Variants in AUTS2 observed in about 807,000 individuals in gnomAD.
The protein encoded by AUTS2 is activator of transcription and developmental regulator AUTS2.
A neutral mutation model predicts 112.4 loss-of-function variants in AUTS2; 17 were observed. The observed-to-expected ratio is 0.15, with a 90% confidence interval of 0.10 to 0.23. The LOEUF is 0.23. Among genes scored for constraint, AUTS2 ranks in the 10% least tolerant of loss-of-function variants. The pLI is 1.00. For missense variants in AUTS2, 1,510 were observed against 1,701.6 expected (o/e 0.89, Z 1.98); for synonymous variants, 751 against 702.7 (o/e 1.07, Z -1.09).
chr7:70,033,260 C>T (rs1800860812), intron 2 of AUTS2, among the ~76,000 whole-genome samples: 1 of 151,976 alleles, frequency 6.6e-6, no homozygotes, highest in Non-Finnish European at 1.5e-5. Flanking sequence ...AATGAAATGA[C>T]CAAAAGGGGA....
chr7:70,142,853 A>C (rs759161717), intron 4 of AUTS2, among the ~76,000 whole-genome samples: 13 of 152,162 alleles, frequency 8.5e-5, no homozygotes, highest in Non-Finnish European at 1.9e-4. Flanking sequence ...AGATTTCCAC[A>C]TTACAGAAAT....
At chr7:70,762,830 G>C (rs781256990) in intron 6 of AUTS2, 40 bp from the exon 7 acceptor site, 2 of 1,429,666 alleles carry the variant, frequency 1.4e-6, no homozygotes, top group Admixed American at 3.4e-5. Context: ...ACACTCGCAT[G>C]TCATTGCCTG....
chr7:70,450,964 T>C (rs994166056), intron 5 of AUTS2, among the ~76,000 whole-genome samples: 3 of 151,538 alleles, frequency 2.0e-5, no homozygotes, highest in Non-Finnish European at 4.4e-5. Flanking sequence ...ATGGAGAAAA[T>C]AGGAGCTCAG....
At chr7:69,852,502 G>A (rs2129530016) in intron 1 of AUTS2, among the ~76,000 whole-genome samples, 1 of 152,128 alleles carries the variant, frequency 6.6e-6, no homozygotes, top group East Asian at 1.9e-4. Flanking sequence ...TCCTAGGCTG[G>A]AGTGCAGCGG....
chr7:70,150,930 A>G (rs1456142821), intron 4 of AUTS2, among the ~76,000 whole-genome samples: 1 of 152,236 alleles, frequency 6.6e-6, no homozygotes, highest in African/African-American at 2.4e-5. Context: ...AATGGTTTGC[A>G]TGACACTGGA....
chr7:70,280,450 A>ATTTTTTTTTTTTTTTTTTT (rs35280015), intron 4 of AUTS2, among the ~76,000 whole-genome samples: 1 of 121,866 alleles, frequency 8.2e-6, no homozygotes. Context: ...TGCCCGGCTG[A>ATTTTTTTTTTTTTTTTTTT]TTTTTTTTTT....
intron 4 of AUTS2, among the ~76,000 whole-genome samples, chr7:70,338,970 C>T (rs1791127985): frequency 6.6e-6 from 1 of 151,816 alleles, no homozygotes; most frequent in Non-Finnish European, 1.5e-5. Flanking sequence ...TCACGCCATT[C>T]TCCTGCCTCA....
At chr7:70,663,491 C>T (rs947917461) in intron 5 of AUTS2, among the ~76,000 whole-genome samples, 6 of 152,130 alleles carry the variant, frequency 3.9e-5, no homozygotes. Context: ...GACTTCTCGT[C>T]CATCCGACAG....
chr7:70,579,366 A>G (rs1802333087), intron 5 of AUTS2, among the ~76,000 whole-genome samples: 1 of 152,000 alleles, frequency 6.6e-6, no homozygotes, highest in East Asian at 1.9e-4. Context: ...CTTTCAAATA[A>G]TAATTCAAAT....
At chr7:69,612,524 G>A (rs917956518) in intron 1 of AUTS2, among the ~76,000 whole-genome samples, 1 of 151,884 alleles carries the variant, frequency 6.6e-6, no homozygotes, top group Admixed American at 6.6e-5. Context: ...CAGTGGCGCA[G>A]TCATGGCTCA....
chr7:69,792,248 G>GT (rs954889595), intron 1 of AUTS2, among the ~76,000 whole-genome samples: 23 of 147,324 alleles, frequency 1.6e-4, no homozygotes, highest in Admixed American at 7.4e-4. Context: ...TTTTTGTTTT[G>GT]TTTTTTTTTA....
chr7:69,713,265 T>C (rs1225842372), intron 1 of AUTS2, among the ~76,000 whole-genome samples: 1 of 152,202 alleles, frequency 6.6e-6, no homozygotes, highest in Non-Finnish European at 1.5e-5. Context: ...TTTTGAATAC[T>C]ACAATATACA....
chr7:70,767,838 T>G (rs1790035714), intron 9 of AUTS2, among the ~76,000 whole-genome samples, 186 bp from the exon 10 acceptor site: 1 of 152,212 alleles, frequency 6.6e-6, no homozygotes, highest in South Asian at 2.1e-4. Context: ...GTTTTTAATT[T>G]TGTTCTTCCA....
At chr7:70,775,413 T>C (rs1397768716) in intron 13 of AUTS2, 27 bp downstream of exon 13, 40 of 1,596,664 alleles carry the variant, frequency 2.5e-5, no homozygotes, top group Non-Finnish European at 3.2e-5. Context: ...TAGAACTGTT[T>C]TGCAACCTCT....
At chr7:70,353,778 A>G (rs985077775) in intron 4 of AUTS2, among the ~76,000 whole-genome samples, 1 of 152,138 alleles carries the variant, frequency 6.6e-6, no homozygotes, top group Non-Finnish European at 1.5e-5. Flanking sequence ...GTTAATATCT[A>G]TTGTTGACAT....
intron 5 of AUTS2, among the ~76,000 whole-genome samples, chr7:70,466,579 T>C (rs1797173964): frequency 6.6e-6 from 1 of 152,232 alleles, no homozygotes; most frequent in Non-Finnish European, 1.5e-5. Flanking sequence ...CCTGCGATGG[T>C]TAAGGTTTTC....
intron 1 of AUTS2, among the ~76,000 whole-genome samples, chr7:69,764,250 A>G (rs374928424): frequency 3.3e-5 from 5 of 152,348 alleles, no homozygotes; most frequent in African/African-American, 1.2e-4. Flanking sequence ...CTGAAGTGCC[A>G]TGAAGTGGCA....
intron 1 of AUTS2, among the ~76,000 whole-genome samples, chr7:69,817,778 G>A (rs961104786): frequency 2.6e-5 from 4 of 152,198 alleles, no homozygotes; most frequent in African/African-American, 9.7e-5. Flanking sequence ...TGGTCCAGGA[G>A]GCAGGTGCTG....
intron 4 of AUTS2, among the ~76,000 whole-genome samples, chr7:70,204,638 T>C (rs1339229372): frequency 6.6e-6 from 1 of 152,152 alleles, no homozygotes; most frequent in Non-Finnish European, 1.5e-5. Flanking sequence ...AGAATTCCTG[T>C]AAGTTAATTG....
Sources: gnomAD v4.1 joint callset for allele counts (sites outside exome capture counted in the v4.1 genomes callset) on GRCh38, gnomAD v4.1.1 for gene constraint, MANE v1.5 for transcripts, NCBI Gene and HGNC (gene_info 2026-07-23, HGNC 2026-07-21) for gene names.